The following RGS7 variants were observed in gnomAD, a reference collection of about 807,000 sequenced individuals.
The protein encoded by RGS7 is regulator of G-protein signaling 7.
RGS7 carries 27 observed loss-of-function variants against 81.1 expected under a neutral mutation model. That is an observed-to-expected ratio of 0.33 (90% confidence interval 0.25 to 0.46). The LOEUF (loss-of-function observed/expected upper bound fraction) is 0.46, where lower values mean the gene tolerates loss of function less well. Among genes scored for constraint, RGS7 ranks in the 20% least tolerant of loss-of-function variants. The pLI is 1.00. For missense variants in RGS7, 396 were observed against 607.4 expected, an observed-to-expected ratio of 0.65 and a Z score of 3.66; for synonymous variants, 208 against 207.7, an observed-to-expected ratio of 1.00 and a Z score of -0.01.
intron 6 of RGS7, among the ~76,000 whole-genome samples, chr1:240,880,499 C>A (rs562034842): frequency 6.6e-6 from 1 of 152,370 alleles, no homozygotes; most frequent in South Asian, 2.1e-4. Context: ...TTCAAGGCCA[C>A]TGCATTGCTC....
At chr1:240,845,263 G>T (rs962283822) in intron 9 of RGS7, among the ~76,000 whole-genome samples, 3 of 152,150 alleles carry the variant, frequency 2.0e-5, no homozygotes, top group African/African-American at 7.2e-5. Context: ...GCCTAGCATG[G>T]CTGATAATAT....
chr1:241,075,000 A>G (rs2493008), intron 3 of RGS7, among the ~76,000 whole-genome samples: 4,083 of 152,260 alleles, frequency 0.027, 179 homozygotes, highest in African/African-American at 0.093. Context: ...TTTGCCCCCC[A>G]CAACTCTTAG....
At chr1:241,278,080 C>T (rs1429799793) in intron 2 of RGS7, among the ~76,000 whole-genome samples, 1 of 152,180 alleles carries the variant, frequency 6.6e-6, no homozygotes, top group African/African-American at 2.4e-5. Flanking sequence ...AGCGATGCTT[C>T]CTGCCATATT....
intron 2 of RGS7, among the ~76,000 whole-genome samples, chr1:241,352,782 C>T (rs2083326892): frequency 6.6e-6 from 1 of 152,238 alleles, no homozygotes; most frequent in African/African-American, 2.4e-5. Flanking sequence ...GGAGGAACTC[C>T]TGTAATTTGT....
rs1385696587 is a variant in RGS7 at position 241,163,907 on chromosome 1, C to A, written c.79-65145G>T. On this transcript the variant is annotated intron_variant, in intron 2 of 18. Coordinates refer to ENST00000440928, the MANE Select transcript of RGS7 (RefSeq NM_001364886.1). This position sits in a 1 kb window ranked among gnomAD's most constrained non-coding sequence, Gnocchi z 4.6. ...TAATTCAGTTCCACTCTGACACTCT[C>A]TTCCTGGAGATAGCGTCAGATCCCA... 6.6e-6 allele frequency among the ~76,000 whole-genome samples: 1 copy of A among 152,052 alleles called. No homozygotes were observed. Among genetic ancestry groups the A allele is most frequent in the Non-Finnish European group, 1.5e-5 (1 of 68,034 alleles).
At chr1:241,120,974 T>C (rs1024679454) in intron 2 of RGS7, among the ~76,000 whole-genome samples, 3 of 152,124 alleles carry the variant, frequency 2.0e-5, no homozygotes, top group African/African-American at 7.2e-5. Context: ...ACACCGTACC[T>C]ATATTTAGAC....
intron 3 of RGS7, among the ~76,000 whole-genome samples, chr1:241,021,935 CTAAAGTGAGGATGGTAAGAATGA>C (rs2059557725): frequency 6.6e-6 from 1 of 152,152 alleles, no homozygotes; most frequent in East Asian, 1.9e-4. Flanking sequence ...CCTGGCCCAT[CTAAAGTGAGGATGGTAAGAATGA>C]TAAAGGAAGG....
intron 2 of RGS7, among the ~76,000 whole-genome samples, chr1:241,210,700 G>A (rs1558192690): frequency 6.6e-6 from 1 of 152,172 alleles, no homozygotes; most frequent in African/African-American, 2.4e-5. Flanking sequence ...ATTAGATGTG[G>A]AAAAGAATAA....
At chr1:241,089,831 C>T (rs1217490763) in intron 3 of RGS7, among the ~76,000 whole-genome samples, 2 of 151,826 alleles carry the variant, frequency 1.3e-5, no homozygotes, top group African/African-American at 4.8e-5. Context: ...CGGTGAAACC[C>T]CGTCTCTACT....
At chr1:240,939,087 C>T (rs985441640) in intron 4 of RGS7, among the ~76,000 whole-genome samples, 12 of 152,120 alleles carry the variant, frequency 7.9e-5, no homozygotes, top group African/African-American at 2.9e-4. Context: ...ATGACATAAG[C>T]ACACTTGTAA....
intron 4 of RGS7, among the ~76,000 whole-genome samples, chr1:240,957,215 C>T (rs1680586756): frequency 6.6e-6 from 1 of 152,176 alleles, no homozygotes; most frequent in Admixed American, 6.5e-5. Flanking sequence ...GTCTTCCGGC[C>T]TCCATCTTTC....
At chr1:241,166,473 A>C (rs2070256009) in intron 2 of RGS7, among the ~76,000 whole-genome samples, 1 of 152,186 alleles carries the variant, frequency 6.6e-6, no homozygotes, top group Admixed American at 6.5e-5. Context: ...AGAATGGGGA[A>C]AAGTTTATGA....
chr1:240,936,725 C>G lies in RGS7; in HGVS notation c.227-19G>C. ...GCCTCCACTGTTTTATGAAAACAAACAAAGAACATAAAAAAGCCTTTTAAA... is the reference window on the plus strand; with the variant it reads ...GCCTCCACTGTTTTATGAAAACAAAGAAAGAACATAAAAAAGCCTTTTAAA... On this transcript the variant is annotated intron_variant, in intron 4 of 18. Transcript: ENST00000440928. The G allele has an allele frequency of 6.3e-7, 1 of 1,576,432 alleles. No homozygotes were observed. Among genetic ancestry groups the G allele is most frequent in the South Asian group, 1.1e-5 (1 of 90,324 alleles).
chr1:241,143,891 T>C (rs1453220033), intron 2 of RGS7, among the ~76,000 whole-genome samples: 2 of 152,130 alleles, frequency 1.3e-5, no homozygotes, highest in East Asian at 3.9e-4. Context: ...AGATTGCTTG[T>C]CCTTTCTGCC....
chr1:241,066,691 T>G (rs2062082584), intron 3 of RGS7, among the ~76,000 whole-genome samples: 1 of 152,182 alleles, frequency 6.6e-6, no homozygotes, highest in Admixed American at 6.5e-5. Context: ...AAAGACCCAC[T>G]AAAAGGCACT....
Position 240,813,701 on chromosome 1 carries a change from T to G in RGS7, c.873A>C (p.Leu291Phe). 6.2e-7 allele frequency: 1 copy of G among 1,612,894 alleles called. No homozygotes were observed. The highest frequency in any genetic ancestry group is 8.5e-7 in the Non-Finnish European group (1 of 1,178,840). Residue 291 changes from leucine to phenylalanine, a missense_variant, in exon 13 of 19, where the codon TTA becomes TTC. Coordinates refer to ENST00000440928, the MANE Select transcript of RGS7 (RefSeq NM_001364886.1). ...GTGGCAAAAGAAACGGGTCGTATTC[T>G]AAATACTGTTCCGTGTAACTTAGTA... is the stretch of plus-strand genomic sequence containing the variant. Reference protein sequence around the residue: ...DSLLSYTEQYLEYDPFLLPPD... With the variant: ...DSLLSYTEQYFEYDPFLLPPD...
At chr1:241,280,904 C>T (rs2078464794) in intron 2 of RGS7, among the ~76,000 whole-genome samples, 1 of 152,164 alleles carries the variant, frequency 6.6e-6, no homozygotes, top group South Asian at 2.1e-4. Flanking sequence ...AAGAAACTGC[C>T]AAACTACAGC....
intron 18 of RGS7, among the ~76,000 whole-genome samples, chr1:240,789,150 A>G (rs1436013789): frequency 6.6e-6 from 1 of 152,084 alleles, no homozygotes; most frequent in Non-Finnish European, 1.5e-5. Flanking sequence ...TCTTTACTGC[A>G]ATCTCTGAAC....
intron 3 of RGS7, among the ~76,000 whole-genome samples, chr1:241,089,059 CTCTCTATATATATATA>C (rs1296236137): frequency 1.3e-3 from 58 of 44,014 alleles, no homozygotes; most frequent in African/African-American, 6.0e-3. Flanking sequence ...CTCTCTCTCT[CTCTCTATATATATATA>C]TATATATATA....
Sources: gnomAD v4.1 joint callset for allele counts (sites outside exome capture counted in the v4.1 genomes callset) on GRCh38, gnomAD v4.1.1 for gene constraint, Gnocchi (gnomAD v3.1) non-coding constraint, MANE v1.5 for transcripts, NCBI Gene and HGNC (gene_info 2026-07-23, HGNC 2026-07-21) for gene names.